The following PCDHGB1 variants were observed in gnomAD, a reference collection of about 807,000 sequenced individuals.
PCDHGB1 encodes protocadherin gamma-B1.
A neutral mutation model predicts 56.6 loss-of-function variants in PCDHGB1; 34 were observed. That is an observed-to-expected ratio of 0.60 (90% CI 0.46 to 0.80). The LOEUF (loss-of-function observed/expected upper bound fraction) is 0.80. PCDHGB1 is among the 30% of genes least tolerant of loss of function. The pLI, the probability that PCDHGB1 is intolerant of heterozygous loss-of-function variation, is 0.00. For missense variants in PCDHGB1, 1,278 were observed against 1,204.6 expected (o/e 1.06, Z -0.90); for synonymous variants, 561 against 505.9 (o/e 1.11, Z -1.46).
At chr5:141,404,593 A>G in intron 1 of PCDHGB1, 1 of 1,614,080 alleles carries the variant, frequency 6.2e-7, no homozygotes, top group Non-Finnish European at 8.5e-7. Context: ...GCAATGTGTC[A>G]TTGAGACTGT....
intron 1 of PCDHGB1, chr5:141,388,621 T>C (rs2091422595): frequency 6.2e-7 from 1 of 1,613,806 alleles, no homozygotes; most frequent in African/African-American, 1.3e-5. Context: ...AGTCAAGACG[T>C]ATACAGGGTG....
At chr5:141,413,070 T>G (rs990993849) in intron 1 of PCDHGB1, 1 of 1,195,014 alleles carries the variant, frequency 8.4e-7, no homozygotes, top group African/African-American at 1.5e-5. Context: ...GAATTTAAAG[T>G]GCCCAGGCTA....
At position 141,421,975 on chromosome 5, in the gene PCDHGB1, G is replaced by A. The variant is rs1287891140; in HGVS notation, c.2409+69306G>A. 3.1e-6 allele frequency: 5 copies of A among 1,610,050 alleles called. No individual in the cohort carries two copies. The South Asian group carries it at 3.3e-5, about 11-fold the overall frequency. On this transcript the variant is annotated intron_variant, in intron 1 of 3. Coordinates refer to ENST00000523390, the MANE Select transcript of PCDHGB1 (RefSeq NM_018922.3). ...AATGTTTACACAGTCCGTATATCGC[G>A]TGAGTGTTCCAGAAAACATCAGCTC...
intron 1 of PCDHGB1, chr5:141,399,976 C>CTGCGCACAGGAGAGG: frequency 1.2e-6 from 2 of 1,612,242 alleles, no homozygotes; most frequent in Non-Finnish European, 1.7e-6. Flanking sequence ...CAGCCTGGGG[C>CTGCGCACAGGAGAGG]TGCGCACAGG....
intron 1 of PCDHGB1, among the ~76,000 whole-genome samples, chr5:141,457,319 G>A (rs914658873): frequency 7.9e-5 from 12 of 152,086 alleles, no homozygotes; most frequent in East Asian, 3.8e-4. Flanking sequence ...AGAAACCTCC[G>A]GGTTACAGGT....
chr5:141,410,222 G>A, intron 1 of PCDHGB1: 2 of 1,614,018 alleles, frequency 1.2e-6, no homozygotes, highest in South Asian at 2.2e-5. Flanking sequence ...GATACTGCCA[G>A]ACCTCAGCGA....
In PCDHGB1 at chr5:141,401,291, G is replaced by A. The variant is rs565015907; in HGVS notation, c.2409+48622G>A. On this transcript the variant is annotated intron_variant, in intron 1 of 3. Transcript: ENST00000523390. ...TGGCAGGTGGAGGTTGCGGTGAGCC[G>A]AGATCACTCCATTGCATTCCAGCCT... is the stretch of plus-strand genomic sequence containing the variant. Among the ~76,000 whole-genome samples the A allele has an allele frequency of 8.5e-5, 13 of 152,194 alleles. No individual in the cohort carries two copies. The South Asian group carries it at 2.5e-3, about 29-fold the overall frequency.
At chr5:141,423,510 TGCGGACTC>T in intron 1 of PCDHGB1, 1 of 1,613,792 alleles carries the variant, frequency 6.2e-7, no homozygotes, top group South Asian at 1.1e-5. Context: ...TCTCTCTCAT[TGCGGACTC>T]GCAGAAGAGT....
Position 141,417,931 on chromosome 5 carries a change from G to C in PCDHGB1, c.2409+65262G>C, listed in dbSNP as rs551432799. The C allele has an allele frequency of 6.2e-6, 10 of 1,611,500 alleles. No homozygotes were observed. In the South Asian group the frequency reaches 9.9e-5, roughly 16 times the overall value. On this transcript the variant is annotated intron_variant, in intron 1 of 3. Transcript: ENST00000523390. ...TACTATTTCCTTTGCTGCTGCCTTT[G>C]TTCTACCCCACGCTGTGTGAGCCGA...
intron 1 of PCDHGB1, chr5:141,366,337 T>C (rs370359448): frequency 2.7e-5 from 44 of 1,613,760 alleles, no homozygotes; most frequent in East Asian, 2.2e-5. Flanking sequence ...ACAGGATCCC[T>C]GACATCCTGG....
At chr5:141,441,747 G>A in intron 1 of PCDHGB1, 2 of 372,470 alleles carry the variant, frequency 5.4e-6, no homozygotes, top group Non-Finnish European at 5.4e-6. Flanking sequence ...CGCGCTCGGC[G>A]TCAACGTGAG....
intron 1 of PCDHGB1, chr5:141,366,519 G>T: frequency 6.2e-7 from 1 of 1,614,256 alleles, no homozygotes; most frequent in Non-Finnish European, 8.5e-7. Context: ...GCTGAAGGCA[G>T]CAGGTTGGCG....
intron 1 of PCDHGB1, chr5:141,376,684 T>TTTTTGTTTTTG: frequency 2.5e-6 from 2 of 809,290 alleles, no homozygotes; most frequent in African/African-American, 1.9e-5. Flanking sequence ...TCGTTTTTTT[T>TTTTTGTTTTTG]TTTTTTTTTT....
intron 1 of PCDHGB1, chr5:141,375,733 G>C: frequency 6.2e-7 from 1 of 1,614,248 alleles, no homozygotes; most frequent in South Asian, 1.1e-5. Context: ...CACTGAGCCT[G>C]TTTGTGCTGG....
rs1372113910 is a variant in PCDHGB1, at chr5:141,384,481, C to T, written c.2409+31812C>T. On this transcript the variant is annotated intron_variant, in intron 1 of 3. Coordinates refer to ENST00000523390, the MANE Select transcript of PCDHGB1 (RefSeq NM_018922.3). ...CTTTGATTATGAGCAGTTGAGAGAA[C>T]TACAACTAAGAGTGACTGCACATGA... 1.9e-6 allele frequency: 3 copies of T among 1,614,022 alleles called. No homozygotes were observed. The Admixed American group carries it at 5.0e-5, about 27-fold the overall frequency.
intron 1 of PCDHGB1, chr5:141,423,750 TGGGG>T: frequency 7.0e-5 from 20 of 287,406 alleles, no homozygotes; most frequent in Non-Finnish European, 9.0e-5. Context: ...GAAAACTGTT[TGGGG>T]GGGGGGTGGG....
rs2099883868 is a variant in PCDHGB1 at position 141,511,590 on chromosome 5, A to G, written c.*417A>G. On this transcript the variant is annotated 3_prime_UTR_variant, in exon 4 of 4. Transcript: ENST00000523390. The stretch of plus-strand genomic sequence containing the variant: ...AGTAAGGTGGTTGGGGTGTTGAAGT[A>G]CCAAGTAACCTACAAGCCTCCTAGT... 3.7e-6 allele frequency: 1 copy of G among 267,908 alleles called. No individual in the cohort carries two copies. The highest frequency in any genetic ancestry group is 7.4e-6 in the Non-Finnish European group (1 of 135,038). 16.6% of individuals were successfully genotyped at this position (267,908 alleles called of 1,614,324 possible). A position where few individuals can be genotyped will look rare whatever the true frequency, so the allele number is the denominator to read the frequency against.
intron 1 of PCDHGB1, chr5:141,413,467 G>C: frequency 1.2e-6 from 2 of 1,614,136 alleles, no homozygotes; most frequent in East Asian, 2.2e-5. Context: ...AGACCGGGAG[G>C]AGCTCTGCGC....
chr5:141,473,860 A>G (rs184722742), intron 1 of PCDHGB1, among the ~76,000 whole-genome samples: 409 of 152,318 alleles, frequency 2.7e-3, no homozygotes, highest in Middle Eastern at 6.8e-3. Context: ...GAACCTCGCT[A>G]TTGTGGAGAA....
Sources: allele counts gnomAD v4.1 joint callset (sites outside exome capture counted in the v4.1 genomes callset), GRCh38; gene constraint gnomAD v4.1.1; transcripts MANE v1.5; gene names NCBI Gene and HGNC (gene_info 2026-07-23, HGNC 2026-07-21).